Variants in HK1 observed in about 807,000 individuals in gnomAD.
HK1 encodes hexokinase-1.
HK1 carries 28 observed loss-of-function variants against 91.6 expected under a neutral mutation model. The observed-to-expected ratio is 0.31, with a 90% CI of 0.23 to 0.42. The LOEUF is 0.42. HK1 is among the 10% of genes least tolerant of loss of function. HK1 has a pLI of 1.00. For synonymous variants in HK1, 430 were observed against 468.1 expected, an observed-to-expected ratio of 0.92 and a Z score of 1.05; for missense variants, 770 against 1,219.8, an observed-to-expected ratio of 0.63 and a Z score of 5.49.
At chr10:69,288,799 CT>C in intron 3 of HK1, 6 of 1,597,506 alleles carry the variant, frequency 3.8e-6, no homozygotes, top group Non-Finnish European at 5.1e-6. Context: ...TTCTTTCTTT[CT>C]TTTTTTGAGA....
chr10:69,294,681 T>G (rs2132475724), intron 3 of HK1, among the ~76,000 whole-genome samples: 1 of 141,366 alleles, frequency 7.1e-6, no homozygotes, highest in South Asian at 2.4e-4. Flanking sequence ...CATAGAGAAA[T>G]CCCATCTCTA....
intron 2 of HK1, among the ~76,000 whole-genome samples, chr10:69,344,826 G>C (rs1276845145): frequency 6.7e-6 from 1 of 148,298 alleles, no homozygotes; most frequent in Non-Finnish European, 1.5e-5. Flanking sequence ...GCCCTCACAG[G>C]AATCCCCTGT....
intron 5 of HK1, among the ~76,000 whole-genome samples, chr10:69,310,372 G>C (rs1050853538): frequency 6.3e-5 from 9 of 143,362 alleles, no homozygotes; most frequent in African/African-American, 2.4e-4. Context: ...AGTGAGCCGA[G>C]ATCGTGCCAC....
intron 1 of HK1, among the ~76,000 whole-genome samples, chr10:69,340,309 C>T (rs1046695357): frequency 1.2e-4 from 19 of 152,168 alleles, no homozygotes; most frequent in Non-Finnish European, 1.8e-4. Flanking sequence ...TGCGATGGCG[C>T]GATCTTGGCT....
chr10:69,348,074 G>A (rs956698098), intron 2 of HK1, among the ~76,000 whole-genome samples: 1 of 152,082 alleles, frequency 6.6e-6, no homozygotes, highest in Non-Finnish European at 1.5e-5. Context: ...TTATCCCTAA[G>A]GATATTGTAA....
intron 1 of HK1, among the ~76,000 whole-genome samples, chr10:69,325,300 C>G: frequency 6.6e-6 from 1 of 151,686 alleles, no homozygotes; most frequent in Non-Finnish European, 1.5e-5. Flanking sequence ...ATCCGCCTGC[C>G]TCGACCTCCC....
chr10:69,277,957 T>C (rs947042711), intron 1 of HK1, among the ~76,000 whole-genome samples: 2 of 151,758 alleles, frequency 1.3e-5, no homozygotes, highest in African/African-American at 4.8e-5. Flanking sequence ...TGCTTGAACC[T>C]GGGAGGCGAA....
chr10:69,354,914 C>G (rs1036561644), intron 2 of HK1, among the ~76,000 whole-genome samples: 2 of 151,822 alleles, frequency 1.3e-5, no homozygotes, highest in Non-Finnish European at 1.5e-5. Context: ...CTACAAAATA[C>G]AAAAATTAGC....
chr10:69,335,768 T>C (rs1847947311), intron 1 of HK1, among the ~76,000 whole-genome samples: 1 of 152,118 alleles, frequency 6.6e-6, no homozygotes, highest in South Asian at 2.1e-4. Flanking sequence ...ACTTGACAGA[T>C]GGGAAGACTG....
At position 69,344,198 on chromosome 10, in the gene HK1, C is replaced by T. The variant is rs552919745; in HGVS notation, c.226+209C>T. Among the ~76,000 whole-genome samples, 6 of 152,292 alleles carry T rather than the reference C, an allele frequency of 3.9e-5. No homozygotes were observed. In the South Asian group the frequency reaches 1.2e-3, roughly 32 times the overall value. ...GCTGATCCATCCATCCAATATGTGT[C>T]TACTGAGACCTTATGCCAGTCACTG... On this transcript the variant is annotated intron_variant, in intron 2 of 17. Coordinates refer to ENST00000359426, the MANE Select transcript of HK1 (RefSeq NM_000188.3).
At position 69,360,064 on chromosome 10, in the gene HK1, C is replaced by T. The variant is rs202035445; in HGVS notation, c.375+19C>T. ...AAGCCAGGTGGGTCCCTGCTCCCTC[C>T]GGGTCACCCCGTCGGGCCAGCATCC... is the stretch of plus-strand genomic sequence containing the variant. On this transcript the variant is annotated intron_variant, in intron 3 of 17. Transcript: ENST00000359426. 1,666 of 1,612,658 alleles carry T rather than the reference C, an allele frequency of 1.0e-3. 6 individuals carry two copies. The highest frequency in any genetic ancestry group is 5.4e-4 in the Middle Eastern group (3 of 5,556).
intron 2 of HK1, among the ~76,000 whole-genome samples, chr10:69,351,409 T>C (rs976155891): frequency 1.3e-5 from 2 of 152,018 alleles, no homozygotes; most frequent in African/African-American, 2.4e-5. Context: ...CTGGGGAGGC[T>C]GAGGCAAGAG....
chr10:69,351,170 G>A (rs1399538185), intron 2 of HK1, among the ~76,000 whole-genome samples: 3 of 143,308 alleles, frequency 2.1e-5, no homozygotes, highest in African/African-American at 5.4e-5. Flanking sequence ...GCGAGACTCC[G>A]TCTCAAAATT....
At chr10:69,393,638 G>T (rs1043556211) in intron 15 of HK1, among the ~76,000 whole-genome samples, 1 of 152,260 alleles carries the variant, frequency 6.6e-6, no homozygotes, top group Non-Finnish European at 1.5e-5. Flanking sequence ...GGAGGAAAAA[G>T]AGGAAGAACC....
intron 3 of HK1, among the ~76,000 whole-genome samples, chr10:69,361,005 C>T (rs1050209750): frequency 3.3e-5 from 5 of 151,362 alleles, no homozygotes; most frequent in Non-Finnish European, 7.4e-5. Context: ...AACTCTGGTT[C>T]TGGGGTGGAC....
Sources: gnomAD v4.1 joint callset for allele counts (sites outside exome capture counted in the v4.1 genomes callset) on GRCh38, gnomAD v4.1.1 for gene constraint, MANE v1.5 for transcripts, NCBI Gene and HGNC (gene_info 2026-07-23, HGNC 2026-07-21) for gene names.